The following KIAA1671 variants were observed in gnomAD, a reference collection of about 807,000 sequenced individuals.
The protein encoded by KIAA1671 is uncharacterized protein KIAA1671.
A neutral mutation model predicts 131.2 loss-of-function variants in KIAA1671; 52 were observed. The observed-to-expected ratio is 0.40, with a 90% CI of 0.32 to 0.50. The LOEUF is 0.50. Ranked by LOEUF, KIAA1671 falls within the 20% of genes least tolerant of loss-of-function variation. KIAA1671 has a pLI of 0.73. For missense variants in KIAA1671, 2,360 were observed against 2,364.2 expected (o/e 1.00, Z 0.04); for synonymous variants, 1,003 against 961.6 (o/e 1.04, Z -0.80).
At chr22:24,980,965 T>C (rs1923201401) in intron 1 of KIAA1671, among the ~76,000 whole-genome samples, 1 of 152,058 alleles carries the variant, frequency 6.6e-6, no homozygotes. Context: ...CAGGCTGGTC[T>C]CAAACTCCTG....
At chr22:25,149,871 C>G (rs538705155) in intron 6 of KIAA1671, among the ~76,000 whole-genome samples, 1 of 152,190 alleles carries the variant, frequency 6.6e-6, no homozygotes, top group African/African-American at 2.4e-5. Context: ...AATTCTTAGT[C>G]TTCATTAAAG....
intron 1 of KIAA1671, among the ~76,000 whole-genome samples, chr22:24,985,422 C>A: frequency 6.8e-6 from 1 of 148,106 alleles, no homozygotes; most frequent in South Asian, 2.2e-4. Flanking sequence ...TCACTGCAAG[C>A]TCCGCCTCCC....
At chr22:25,132,074 C>G (rs1932466591) in intron 6 of KIAA1671, among the ~76,000 whole-genome samples, 1 of 152,212 alleles carries the variant, frequency 6.6e-6, no homozygotes, top group Admixed American at 6.5e-5. Flanking sequence ...TGATTGAAGT[C>G]ACACTTTTCA....
At chr22:25,052,345 G>A (rs2145823452) in intron 6 of KIAA1671, 1 of 152,330 alleles carries the variant, frequency 6.6e-6, no homozygotes, top group African/African-American at 2.4e-5. Context: ...CCTGCCCATG[G>A]TTGCTGAACT....
chr22:25,189,421 G>C (rs1934595980), intron 11 of KIAA1671, among the ~76,000 whole-genome samples: 1 of 151,932 alleles, frequency 6.6e-6, no homozygotes, highest in Non-Finnish European at 1.5e-5. Context: ...GATCCGCCCA[G>C]CTCGGCCTCC....
intron 6 of KIAA1671, among the ~76,000 whole-genome samples, chr22:25,114,395 GCT>G (rs1931549315): frequency 6.6e-6 from 1 of 152,226 alleles, no homozygotes; most frequent in South Asian, 2.1e-4. Context: ...ACTTGTGAAT[GCT>G]CTCTCTCTGT....
chr22:25,003,332 C>T (rs1924572927), intron 1 of KIAA1671, among the ~76,000 whole-genome samples: 1 of 150,426 alleles, frequency 6.6e-6, no homozygotes, highest in Non-Finnish European at 1.5e-5. Flanking sequence ...GTTATTATTA[C>T]ATAAAACTTA....
chr22:25,067,491 C>T (rs1272544346), intron 6 of KIAA1671, among the ~76,000 whole-genome samples: 1 of 152,048 alleles, frequency 6.6e-6, no homozygotes, highest in Non-Finnish European at 1.5e-5. Flanking sequence ...CTCTCCTCTC[C>T]CTCCATGTCT....
At chr22:24,977,158 G>C (rs2123823219) in intron 1 of KIAA1671, among the ~76,000 whole-genome samples, 1 of 152,282 alleles carries the variant, frequency 6.6e-6, no homozygotes, top group African/African-American at 2.4e-5. Context: ...CTGTCAATGT[G>C]CTAATTATAC....
rs1257724112 is a variant in KIAA1671, at chr22:25,029,402, C to T, written c.1403C>T (p.Ala468Val). The T allele has an allele frequency of 1.2e-5, 19 of 1,551,370 alleles. No individual in the cohort carries two copies. Among genetic ancestry groups the T allele is most frequent in the East Asian group, 1.2e-4 (5 of 40,906 alleles). ...CTGGCCACCCCTGCGTCCCCATCGGCGGCACCAGAGCCGGAGAAAGGGGTT... is the reference window on the plus strand; with the variant it reads ...CTGGCCACCCCTGCGTCCCCATCGGTGGCACCAGAGCCGGAGAAAGGGGTT... ...SPLATPASPS[A>V]APEPEKGVVS... The change falls in exon 3 of 13, where the codon GCG becomes GTG. Residue 468 changes from alanine (A) to valine (V), a missense_variant. Around this residue, in one of 3 missense-constraint regions of KIAA1671, gnomAD observed 1,185 missense variants for 1,126.2 expected, o/e 1.05. Coordinates refer to ENST00000358431, the MANE Select transcript of KIAA1671 (RefSeq NM_001145206.2).
At chr22:25,167,347 A>G (rs780348052) in intron 6 of KIAA1671, among the ~76,000 whole-genome samples, 12 of 152,186 alleles carry the variant, frequency 7.9e-5, no homozygotes, top group Non-Finnish European at 1.3e-4. Context: ...TCTTACGGGA[A>G]TAATTGCAGA....
intron 1 of KIAA1671, among the ~76,000 whole-genome samples, chr22:24,987,603 T>C (rs754537489): frequency 1.3e-5 from 2 of 152,180 alleles, no homozygotes; most frequent in Non-Finnish European, 2.9e-5. Context: ...CCTGAGTAAC[T>C]GAGACTACAG....
chr22:25,123,366 G>GT lies in KIAA1671; in HGVS notation c.4531-47448dup, dbSNP rs568017702. 3.9e-3 allele frequency among the ~76,000 whole-genome samples: 593 copies of GT among 151,878 alleles called. 1 individual carries two copies. Among genetic ancestry groups the GT allele is most frequent in the African/African-American group, 0.014 (562 of 41,438 alleles). ...TGCCAACACACCTGGCTAATTTTTT[G>GT]TTTTTTCAGTAGAAATGGGGTTTCA... On this transcript the variant is annotated intron_variant, in intron 6 of 12. Transcript: ENST00000358431.
intron 6 of KIAA1671, among the ~76,000 whole-genome samples, chr22:25,072,462 A>G (rs537884992): frequency 6.6e-6 from 1 of 152,280 alleles, no homozygotes; most frequent in Non-Finnish European, 1.5e-5. Context: ...GTGAGGAGCC[A>G]CATAGGCCCA....
At position 25,093,836 on chromosome 22, in the gene KIAA1671, C is replaced by CTCTCTCTCTCTCTCTCTCTT. The variant is rs1568951598; in HGVS notation, c.4530+44473_4530+44474insCTCTCTCTCTCTCTCTCTTT. Among the ~76,000 whole-genome samples the CTCTCTCTCTCTCTCTCTCTT allele has an allele frequency of 4.6e-5, 3 of 64,622 alleles. 1 individual carries two copies. The highest frequency in any genetic ancestry group is 9.1e-4 in the East Asian group (2 of 2,198). The allele number at this position is 64,622 out of a possible 152,430, so 42.4% of individuals were successfully genotyped here. A position where few individuals can be genotyped will look rare whatever the true frequency, so the allele number is the denominator to read the frequency against. On this transcript the variant is annotated intron_variant, in intron 6 of 12. Coordinates refer to ENST00000358431, the MANE Select transcript of KIAA1671 (RefSeq NM_001145206.2). ...TGTCTCTCTCTCTTTCTCTCTCTGTCTGTCTCTCTCTCTCTCTCTCTCTCT... is the reference window on the plus strand; with the variant it reads ...TGTCTCTCTCTCTTTCTCTCTCTGTCTCTCTCTCTCTCTCTCTCTTTGTCTCTCTCTCTCTCTCTCTCTCT...
intron 6 of KIAA1671, among the ~76,000 whole-genome samples, chr22:25,122,549 G>A (rs557802816): frequency 2.5e-4 from 38 of 152,294 alleles, no homozygotes; most frequent in African/African-American, 8.7e-4. Context: ...TCACGGAGCT[G>A]GAACACTGCC....
intron 4 of KIAA1671, among the ~76,000 whole-genome samples, chr22:25,035,234 A>C (rs1926525165): frequency 6.6e-6 from 1 of 151,818 alleles, no homozygotes; most frequent in African/African-American, 2.4e-5. Flanking sequence ...TTTAGTAGAG[A>C]TGGGGTTTCA....
At chr22:25,000,208 T>TAAAATGTAGC (rs1404478334) in intron 1 of KIAA1671, among the ~76,000 whole-genome samples, 3 of 83,926 alleles carry the variant, frequency 3.6e-5, no homozygotes, top group African/African-American at 1.4e-4. Context: ...TTTTTTTTTT[T>TAAAATGTAGC]TTTGAGACGG....
intron 6 of KIAA1671, among the ~76,000 whole-genome samples, chr22:25,110,361 G>T (rs1048249468): frequency 2.0e-5 from 3 of 152,204 alleles, no homozygotes; most frequent in African/African-American, 7.2e-5. Flanking sequence ...TTTCAATTGT[G>T]TACTTGGTGT....
Sources: allele counts gnomAD v4.1 joint callset (sites outside exome capture counted in the v4.1 genomes callset), GRCh38; gene constraint gnomAD v4.1.1; regional missense constraint gnomAD v4.1.1; transcripts MANE v1.5; gene names NCBI Gene and HGNC (gene_info 2026-07-23, HGNC 2026-07-21).